The following TMEM132D variants were observed in gnomAD, a reference collection of about 807,000 sequenced individuals.
TMEM132D encodes transmembrane protein 132D, also known as mature OL transmembrane protein.
Under a neutral mutation model 62.3 loss-of-function variants are expected in TMEM132D, and 21 were observed. The ratio of observed to expected loss-of-function variants is 0.34; its 90% confidence interval spans 0.24 to 0.49. The LOEUF is 0.49. TMEM132D is among the 20% of genes least tolerant of loss of function. TMEM132D has a pLI of 0.99. For missense variants in TMEM132D, 1,346 were observed against 1,402.8 expected (o/e 0.96, Z 0.65); for synonymous variants, 621 against 575.6 (o/e 1.08, Z -1.13).
chr12:129,337,658 C>T lies in TMEM132D; in HGVS notation c.1275G>A (p.Leu425=), dbSNP rs1394219771. 1 of 1,614,118 alleles carries T rather than the reference C, an allele frequency of 6.2e-7. No homozygotes were observed. The highest frequency in any genetic ancestry group is 8.5e-7 in the Non-Finnish European group (1 of 1,180,000). The change falls in exon 4 of 9, where the codon TTG becomes TTA. Residue 425 remains leucine, a synonymous_variant. Coordinates refer to ENST00000422113, the MANE Select transcript of TMEM132D (RefSeq NM_133448.3). The part of the protein sequence containing the change: ...VSKIYVSPKD[L]IGVVPLAMEA... ...CCATAGCCAGCGGCACAACTCCAAT[C>T]AAGTCCTTTGGGCTCACATAGATCT... is the stretch of plus-strand genomic sequence containing the variant.
At chr12:129,292,521 A>G (rs1177753197) in intron 4 of TMEM132D, among the ~76,000 whole-genome samples, 1 of 152,174 alleles carries the variant, frequency 6.6e-6, no homozygotes, top group Non-Finnish European at 1.5e-5. Context: ...CCAAAGGAAA[A>G]CAGACTAGCT....
intron 6 of TMEM132D, among the ~76,000 whole-genome samples, chr12:129,083,383 G>A (rs1267200145): frequency 6.6e-6 from 1 of 152,248 alleles, no homozygotes; most frequent in African/African-American, 2.4e-5. Context: ...CCAGGCAGCT[G>A]TGACAGCGTG....
intron 2 of TMEM132D, among the ~76,000 whole-genome samples, chr12:129,533,518 T>C (rs1876288679): frequency 6.6e-6 from 1 of 152,262 alleles, no homozygotes; most frequent in Admixed American, 6.5e-5. Flanking sequence ...GACAACCTTT[T>C]CATTATACAG....
intron 3 of TMEM132D, among the ~76,000 whole-genome samples, chr12:129,452,779 C>T (rs569482557): frequency 3.3e-5 from 5 of 152,254 alleles, no homozygotes; most frequent in South Asian, 2.1e-4. Context: ...CTGCCAATTT[C>T]GTCTGATTTA....
intron 3 of TMEM132D, among the ~76,000 whole-genome samples, chr12:129,513,264 G>T (rs917007608): frequency 6.6e-6 from 1 of 152,042 alleles, no homozygotes; most frequent in African/African-American, 2.4e-5. Flanking sequence ...CCACTCTTAA[G>T]GGAACCTAAC....
chr12:129,876,739 C>A (rs1874426977), intron 1 of TMEM132D, among the ~76,000 whole-genome samples: 1 of 152,190 alleles, frequency 6.6e-6, no homozygotes, highest in Admixed American at 6.5e-5. Context: ...CTCATCCTTA[C>A]TGCTGTTAGT....
chr12:129,201,015 T>C (rs113100365), intron 5 of TMEM132D, among the ~76,000 whole-genome samples: 161 of 152,368 alleles, frequency 1.1e-3, no homozygotes, highest in Middle Eastern at 3.4e-3. Flanking sequence ...CACTGGTGTG[T>C]GTCTCTGGTG....
rs187000493 is a variant in TMEM132D, at chr12:129,437,327, G to A, written c.1115+93732C>T. Among the ~76,000 whole-genome samples, 3 of 152,264 alleles carry A rather than the reference G, an allele frequency of 2.0e-5. No homozygotes were observed. In the East Asian group the frequency reaches 5.8e-4, roughly 29 times the overall value. ...AATACTCCCAGGGAGCAGAGCCCTT[G>A]CACCTTCCCCCAAACAGCTCCATGA... is the stretch of plus-strand genomic sequence containing the variant. On this transcript the variant is annotated intron_variant, in intron 3 of 8. Transcript: ENST00000422113.
At chr12:129,420,943 G>C (rs188151834) in intron 3 of TMEM132D, among the ~76,000 whole-genome samples, 1 of 150,554 alleles carries the variant, frequency 6.6e-6, no homozygotes, top group Non-Finnish European at 1.5e-5. Flanking sequence ...CTAACAGTCC[G>C]AGCTGTTGGT....
intron 1 of TMEM132D, among the ~76,000 whole-genome samples, chr12:129,772,337 CTG>C (rs1870781524): frequency 6.6e-6 from 1 of 152,106 alleles, no homozygotes; most frequent in Non-Finnish European, 1.5e-5. Context: ...AGAAGACAAA[CTG>C]TATCTTTTTA....
chr12:129,656,906 C>A (rs1428329082), intron 2 of TMEM132D, among the ~76,000 whole-genome samples: 1 of 152,122 alleles, frequency 6.6e-6, no homozygotes, highest in Non-Finnish European at 1.5e-5. Flanking sequence ...CTGATGGAGA[C>A]CTGTGCTCCT....
intron 1 of TMEM132D, among the ~76,000 whole-genome samples, chr12:129,805,622 A>G (rs886714623): frequency 2.6e-5 from 4 of 152,022 alleles, no homozygotes; most frequent in African/African-American, 7.3e-5. Flanking sequence ...CATTCAGGAC[A>G]TAGGCATGGG....
intron 5 of TMEM132D, among the ~76,000 whole-genome samples, chr12:129,147,250 GTATATATACATATGTGCATATGTA>G (rs1876930031): frequency 6.8e-6 from 1 of 147,472 alleles, no homozygotes; most frequent in African/African-American, 2.5e-5. Context: ...ATATGTTTAT[GTATATATACATATGTGCATATGTA>G]TATATATACA....
intron 1 of TMEM132D, among the ~76,000 whole-genome samples, chr12:129,759,041 C>T (rs1013307853): frequency 6.6e-6 from 1 of 151,560 alleles, no homozygotes; most frequent in African/African-American, 2.4e-5. Context: ...TCAAGTGATT[C>T]TCCTACTTCA....
chr12:129,848,963 T>C (rs1360529277), intron 1 of TMEM132D, among the ~76,000 whole-genome samples: 1 of 152,334 alleles, frequency 6.6e-6, no homozygotes, highest in East Asian at 1.9e-4. Context: ...CCCAGCCAAG[T>C]TGATTTCCCT....
intron 1 of TMEM132D, among the ~76,000 whole-genome samples, chr12:129,768,555 T>C (rs1381933006): frequency 1.3e-5 from 2 of 152,056 alleles, no homozygotes; most frequent in Non-Finnish European, 2.9e-5. Flanking sequence ...TACAAAAGAA[T>C]TGAAAACAGA....
Position 129,819,051 on chromosome 12 carries a change from GA to G in TMEM132D, c.79+84209del, listed in dbSNP as rs1045408032. Among the ~76,000 whole-genome samples, 631 of 150,990 alleles carry G rather than the reference GA, an allele frequency of 4.2e-3. 5 individuals carry two copies. The highest frequency in any genetic ancestry group is 0.014 in the African/African-American group (581 of 41,080). On this transcript the variant is annotated intron_variant, in intron 1 of 8. Transcript: ENST00000422113. ...CTCTGTCTCGAAAAAAAAAAGACAA[GA>G]AAAAAAAATGTCCCATCTCTCTTTT...
At position 129,401,615 on chromosome 12, in the gene TMEM132D, A is replaced by T. The variant is rs1871625533; in HGVS notation, c.1116-63798T>A. 2.0e-5 allele frequency among the ~76,000 whole-genome samples: 3 copies of T among 152,062 alleles called. No homozygotes were observed. The South Asian group carries it at 6.2e-4, about 32-fold the overall frequency. On this transcript the variant is annotated intron_variant, in intron 3 of 8. Transcript: ENST00000422113. ...AAAAAGGTGTGGTTTAGGTACATCA[A>T]CTCATTTAATCCTCACCCTAACCGT... is the stretch of plus-strand genomic sequence containing the variant.
intron 1 of TMEM132D, among the ~76,000 whole-genome samples, chr12:129,793,587 A>G (rs1361820657): frequency 1.3e-5 from 2 of 152,206 alleles, no homozygotes; most frequent in African/African-American, 4.8e-5. Flanking sequence ...GCTGGTCTCG[A>G]ACTCCTGAGC....
Sources: gnomAD v4.1 joint callset for allele counts (sites outside exome capture counted in the v4.1 genomes callset) on GRCh38, gnomAD v4.1.1 for gene constraint, MANE v1.5 for transcripts, NCBI Gene and HGNC (gene_info 2026-07-23, HGNC 2026-07-21) for gene names.